PTPRD: variants seen among roughly 807,000 people sequenced by gnomAD.
PTPRD encodes the protein receptor-type tyrosine-protein phosphatase delta.
In PTPRD, 34 loss-of-function variants were observed where a neutral mutation model predicts 214.5. The ratio of observed to expected loss-of-function variants is 0.16; its 90% confidence interval spans 0.12 to 0.21. The LOEUF is 0.21. PTPRD is among the 10% of genes least tolerant of loss of function. PTPRD has a pLI of 1.00. For missense variants in PTPRD, 2,545 were observed against 2,398.7 expected, an observed-to-expected ratio of 1.06 and a Z score of -1.27; for synonymous variants, 1,128 against 845.7, an observed-to-expected ratio of 1.33 and a Z score of -5.79.
In PTPRD at chr9:8,785,893, C is replaced by A. The variant is rs552655332; in HGVS notation, c.-103-51947G>T. On this transcript the variant is annotated intron_variant, in intron 11 of 45. Transcript: ENST00000381196. ...TATTACAGATGGTTTTTAAAAGTTTCTATGGCTACTAGTAAGGAAACAAAA... is the reference window on the plus strand; with the variant it reads ...TATTACAGATGGTTTTTAAAAGTTTATATGGCTACTAGTAAGGAAACAAAA... 4.6e-5 allele frequency among the ~76,000 whole-genome samples: 7 copies of A among 152,316 alleles called. No homozygotes were observed. The East Asian group carries it at 1.3e-3, about 29-fold the overall frequency.
intron 11 of PTPRD, among the ~76,000 whole-genome samples, chr9:8,735,345 T>C (rs1173496270): frequency 6.6e-6 from 1 of 151,634 alleles, no homozygotes; most frequent in East Asian, 2.0e-4. Context: ...GGTTTCACCA[T>C]GTTAACCAAG....
At chr9:9,161,867 T>C (rs1007090612) in intron 10 of PTPRD, among the ~76,000 whole-genome samples, 1 of 152,124 alleles carries the variant, frequency 6.6e-6, no homozygotes, top group East Asian at 1.9e-4. Context: ...TATATATATA[T>C]ATTTAAATTG....
chr9:10,216,412 T>C (rs945806384), intron 3 of PTPRD, among the ~76,000 whole-genome samples: 5 of 151,954 alleles, frequency 3.3e-5, no homozygotes, highest in Admixed American at 6.6e-5. Flanking sequence ...TCCATATAGC[T>C]TATATACAGT....
rs118029252 is a variant in PTPRD at position 8,929,640 on chromosome 9, C to G, written c.-104+89057G>C. On this transcript the variant is annotated intron_variant, in intron 11 of 45. Transcript: ENST00000381196. ...ATCGATGTTCATCAGGGCTATTGGG[C>G]TGAAATTTTCTTTTTTTGTGTGTCT... 5.7e-4 allele frequency among the ~76,000 whole-genome samples: 84 copies of G among 147,796 alleles called. 2 individuals are homozygous for G. In the East Asian group the frequency reaches 0.016, roughly 28 times the overall value.
At chr9:10,186,985 G>T (rs1029541530) in intron 3 of PTPRD, among the ~76,000 whole-genome samples, 1 of 152,098 alleles carries the variant, frequency 6.6e-6, no homozygotes, top group Non-Finnish European at 1.5e-5. Context: ...GAGAGAAAAG[G>T]AATTTTGCTT....
At chr9:8,494,007 G>C (rs7858554) in intron 26 of PTPRD, among the ~76,000 whole-genome samples, 7,723 of 91,510 alleles carry the variant, frequency 0.084, 552 homozygotes, top group African/African-American at 0.25. Context: ...CAGACACACA[G>C]ACACACACAC....
intron 7 of PTPRD, among the ~76,000 whole-genome samples, chr9:9,698,540 T>C (rs942772213): frequency 6.6e-6 from 1 of 152,190 alleles, no homozygotes. Flanking sequence ...GGATGGCTAC[T>C]CTAATTTGGC....
At chr9:8,669,195 C>T (rs970366519) in intron 12 of PTPRD, among the ~76,000 whole-genome samples, 3 of 152,130 alleles carry the variant, frequency 2.0e-5, no homozygotes, top group Admixed American at 6.6e-5. Flanking sequence ...CACAGCCCCA[C>T]TCTGGTACTG....
chr9:10,108,206 T>C (rs936254119), intron 3 of PTPRD, among the ~76,000 whole-genome samples: 1 of 152,112 alleles, frequency 6.6e-6, no homozygotes, highest in African/African-American at 2.4e-5. Flanking sequence ...AGAATAAAAA[T>C]TGCATAGTTT....
At chr9:9,767,952 G>C (rs1275197499) in intron 5 of PTPRD, among the ~76,000 whole-genome samples, 1 of 152,150 alleles carries the variant, frequency 6.6e-6, no homozygotes, top group Admixed American at 6.5e-5. Flanking sequence ...TCAGGTTACT[G>C]TGTGTTCTAG....
At chr9:8,354,612 C>T (rs2076507602) in intron 39 of PTPRD, among the ~76,000 whole-genome samples, 1 of 152,156 alleles carries the variant, frequency 6.6e-6, no homozygotes, top group Non-Finnish European at 1.5e-5. Flanking sequence ...TGTTAAAATA[C>T]TAAGGTTTTC....
chr9:9,712,154 A>G (rs1398476830), intron 7 of PTPRD, among the ~76,000 whole-genome samples: 1 of 150,138 alleles, frequency 6.7e-6, no homozygotes, highest in Non-Finnish European at 1.5e-5. Context: ...TAACAATAAG[A>G]GTATCCATTA....
intron 10 of PTPRD, among the ~76,000 whole-genome samples, chr9:9,144,419 G>A (rs1592357509): frequency 6.6e-6 from 1 of 152,148 alleles, no homozygotes; most frequent in Non-Finnish European, 1.5e-5. Flanking sequence ...GAAACATTAA[G>A]TGGTACCTAA....
At chr9:9,367,319 T>C (rs946098162) in intron 9 of PTPRD, among the ~76,000 whole-genome samples, 8 of 151,526 alleles carry the variant, frequency 5.3e-5, no homozygotes, top group African/African-American at 1.9e-4. Flanking sequence ...GGACATCAGA[T>C]TTTAGTATTT....
At chr9:10,063,760 T>C (rs1245126701) in intron 3 of PTPRD, among the ~76,000 whole-genome samples, 1 of 152,000 alleles carries the variant, frequency 6.6e-6, no homozygotes, top group East Asian at 1.9e-4. Context: ...TTTCTTGCAA[T>C]GTAGCAATAC....
chr9:9,530,472 G>C (rs1261983781), intron 8 of PTPRD, among the ~76,000 whole-genome samples: 1 of 151,996 alleles, frequency 6.6e-6, no homozygotes, highest in Non-Finnish European at 1.5e-5. Context: ...CCAATAACAA[G>C]TAATGACATT....
chr9:9,886,774 T>G (rs1008252293), intron 5 of PTPRD, among the ~76,000 whole-genome samples: 1 of 152,160 alleles, frequency 6.6e-6, no homozygotes, highest in Non-Finnish European at 1.5e-5. Flanking sequence ...GCCAGTACAC[T>G]AAGTTACCAT....
At chr9:8,701,015 G>C (rs1322657736) in intron 12 of PTPRD, 8 of 151,320 alleles carry the variant, frequency 5.3e-5, no homozygotes, top group African/African-American at 1.9e-4. Context: ...ACAAAAATTA[G>C]CCAGGTGTGG....
intron 10 of PTPRD, among the ~76,000 whole-genome samples, chr9:9,137,652 A>G (rs531680572): frequency 6.6e-6 from 1 of 152,288 alleles, no homozygotes; most frequent in Admixed American, 6.5e-5. Flanking sequence ...TTTATTTACT[A>G]TAACAAATTT....
Sources: allele counts gnomAD v4.1 joint callset (sites outside exome capture counted in the v4.1 genomes callset), GRCh38; gene constraint gnomAD v4.1.1; transcripts MANE v1.5; gene names NCBI Gene and HGNC (gene_info 2026-07-23, HGNC 2026-07-21).